The following ZNF407 variants were observed in gnomAD, a reference collection of about 807,000 sequenced individuals.
ZNF407 encodes zinc finger protein 407.
ZNF407 carries 17 observed loss-of-function variants against 131.2 expected under a neutral mutation model. The ratio of observed to expected loss-of-function variants is 0.13; its 90% CI spans 0.09 to 0.19. ZNF407 has a LOEUF of 0.19. ZNF407 is among the 10% of genes least tolerant of loss of function. The pLI is 1.00. For synonymous variants in ZNF407, 1,156 were observed against 1,062.0 expected (o/e 1.09, Z -1.72); for missense variants, 2,681 against 2,830.6 (o/e 0.95, Z 1.20).
chr18:74,808,708 A>T (rs922484339), intron 4 of ZNF407, among the ~76,000 whole-genome samples: 6 of 151,882 alleles, frequency 4.0e-5, no homozygotes, highest in African/African-American at 1.2e-4. Flanking sequence ...GATCAATTAC[A>T]TTTTTTTTAA....
At chr18:74,971,330 G>T (rs1972469957) in intron 8 of ZNF407, among the ~76,000 whole-genome samples, 1 of 152,198 alleles carries the variant, frequency 6.6e-6, no homozygotes, top group Non-Finnish European at 1.5e-5. Flanking sequence ...CAGAAAGTGG[G>T]TTTTTCTTTT....
intron 4 of ZNF407, among the ~76,000 whole-genome samples, chr18:74,873,896 C>T (rs1388646789): frequency 6.6e-6 from 1 of 152,142 alleles, no homozygotes; most frequent in Non-Finnish European, 1.5e-5. Flanking sequence ...TTATGTAGAA[C>T]ATTCAGAGTT....
intron 8 of ZNF407, among the ~76,000 whole-genome samples, chr18:74,986,861 T>C (rs963072771): frequency 2.0e-5 from 3 of 152,214 alleles, no homozygotes; most frequent in Non-Finnish European, 4.4e-5. Flanking sequence ...CTCTTAGTTA[T>C]ATTATTTCTA....
At chr18:74,642,861 A>G (rs528072480) in intron 3 of ZNF407, among the ~76,000 whole-genome samples, 4 of 152,176 alleles carry the variant, frequency 2.6e-5, no homozygotes, top group Non-Finnish European at 5.9e-5. Context: ...TTTTAGAATT[A>G]TGACAGCATT....
intron 3 of ZNF407, among the ~76,000 whole-genome samples, chr18:74,679,854 A>G (rs1349455835): frequency 6.6e-6 from 1 of 152,168 alleles, no homozygotes; most frequent in Non-Finnish European, 1.5e-5. Flanking sequence ...TATGTTTCAG[A>G]TCATCAGTGG....
At chr18:74,953,424 G>A (rs540670626) in intron 8 of ZNF407, among the ~76,000 whole-genome samples, 5 of 152,290 alleles carry the variant, frequency 3.3e-5, no homozygotes, top group South Asian at 4.1e-4. Flanking sequence ...TACATCTGCC[G>A]TGTATGTCTG....
At chr18:74,783,139 C>G (rs1265712536) in intron 4 of ZNF407, among the ~76,000 whole-genome samples, 1 of 152,046 alleles carries the variant, frequency 6.6e-6, no homozygotes, top group African/African-American at 2.4e-5. Context: ...TATCTCAGTC[C>G]TTCTTTGACC....
intron 3 of ZNF407, among the ~76,000 whole-genome samples, chr18:74,655,442 G>A (rs1985408798): frequency 6.6e-6 from 1 of 151,940 alleles, no homozygotes; most frequent in South Asian, 2.1e-4. Context: ...CTTAAAATCT[G>A]CCTTGCAACT....
At chr18:74,902,037 T>C (rs1395201039) in intron 7 of ZNF407, among the ~76,000 whole-genome samples, 1 of 152,172 alleles carries the variant, frequency 6.6e-6, no homozygotes, top group East Asian at 1.9e-4. Flanking sequence ...TTCACTCACA[T>C]GAGCCATAGA....
At chr18:74,968,647 T>G (rs1213030792) in intron 8 of ZNF407, among the ~76,000 whole-genome samples, 1 of 152,240 alleles carries the variant, frequency 6.6e-6, no homozygotes, top group Non-Finnish European at 1.5e-5. Context: ...AGAAATCTGC[T>G]TTTGTTTGAA....
chr18:75,063,827 G>A lies in ZNF407; in HGVS notation c.6106G>A (p.Glu2036Lys), dbSNP rs371814141. ...QEVSHVAADP[E>K]APEIQMFPQA... The stretch of plus-strand genomic sequence containing the variant: ...GGTCTCCCATGTGGCTGCCGACCCC[G>A]AGGCCCCCGAGATCCAGATGTTCCC... Residue 2036 changes from glutamate (E) to lysine (K), a missense_variant, in exon 9 of 9, where the codon GAG becomes AAG. This residue lies in a region of ZNF407 where 620 missense variants were observed against 583.1 expected (regional missense o/e 1.06). Coordinates refer to ENST00000299687, the MANE Select transcript of ZNF407 (RefSeq NM_017757.3). The surrounding 1 kb of genome is among the most constrained non-coding windows in gnomAD (Gnocchi z 6.6). 106 of 1,607,420 alleles carry A rather than the reference G, an allele frequency of 6.6e-5. No individual in the cohort carries two copies. Among genetic ancestry groups the A allele is most frequent in the Admixed American group, 3.8e-4 (23 of 59,964 alleles).
chr18:74,719,679 G>T (rs1014769079), intron 3 of ZNF407, among the ~76,000 whole-genome samples: 1 of 152,220 alleles, frequency 6.6e-6, no homozygotes, highest in South Asian at 2.1e-4. Flanking sequence ...CTGGGATTAC[G>T]GGCGTGAGCC....
At chr18:74,809,898 G>A (rs1970170009) in intron 4 of ZNF407, among the ~76,000 whole-genome samples, 1 of 152,214 alleles carries the variant, frequency 6.6e-6, no homozygotes, top group Non-Finnish European at 1.5e-5. Flanking sequence ...AATGTTGAAG[G>A]CAGAGCTGAT....
At position 74,641,088 on chromosome 18, in the gene ZNF407, C is replaced by T. The variant is rs150809283; in HGVS notation, c.4768C>T (p.Leu1590Phe). ...GDARNHVKRHLGMREYKCHVC... is the reference protein window; with the variant it reads ...GDARNHVKRHFGMREYKCHVC... ...TGCCAGAAACCATGTGAAAAGGCAC[C>T]TTGGGATGAGGGAATACAAGTGTCA... The change falls in exon 3 of 9, where the codon CTT (leucine) becomes TTT (phenylalanine). Residue 1590 changes from leucine to phenylalanine, a missense_variant. By Grantham distance (22) the Leu-to-Phe change is conservative. Transcript: ENST00000299687. The T allele has an allele frequency of 1.9e-6, 3 of 1,613,292 alleles. No individual in the cohort carries two copies. In the African/African-American group the frequency reaches 4.0e-5, roughly 22 times the overall value.
chr18:74,694,571 C>T (rs1277174611), intron 3 of ZNF407, among the ~76,000 whole-genome samples: 1 of 151,792 alleles, frequency 6.6e-6, no homozygotes, highest in Non-Finnish European at 1.5e-5. Flanking sequence ...CTTTCTCATT[C>T]TCTGAACACC....
At chr18:74,726,391 C>T (rs915100141) in intron 3 of ZNF407, among the ~76,000 whole-genome samples, 22 of 152,052 alleles carry the variant, frequency 1.4e-4, no homozygotes, top group Admixed American at 1.3e-4. Context: ...ATCATGAGAG[C>T]CAATAAGTTA....
intron 8 of ZNF407, among the ~76,000 whole-genome samples, chr18:75,058,587 G>A (rs1417947167): frequency 6.6e-6 from 1 of 152,100 alleles, no homozygotes; most frequent in African/African-American, 2.4e-5. Flanking sequence ...ATACTACATT[G>A]AGCATCCATG....
At chr18:74,931,620 A>C (rs1267289332) in intron 8 of ZNF407, among the ~76,000 whole-genome samples, 1 of 152,176 alleles carries the variant, frequency 6.6e-6, no homozygotes, top group East Asian at 1.9e-4. Context: ...ATACCTAGAA[A>C]CGAGATGCCT....
intron 3 of ZNF407, among the ~76,000 whole-genome samples, chr18:74,738,764 A>G (rs1026549664): frequency 9.2e-5 from 14 of 152,160 alleles, no homozygotes; most frequent in African/African-American, 3.4e-4. Context: ...ATATTTTCTC[A>G]GAATTCTCTA....
Sources: allele counts gnomAD v4.1 joint callset (sites outside exome capture counted in the v4.1 genomes callset), GRCh38; gene constraint gnomAD v4.1.1; regional missense constraint gnomAD v4.1.1; non-coding constraint Gnocchi (gnomAD v3.1); transcripts MANE v1.5; gene names NCBI Gene and HGNC (gene_info 2026-07-23, HGNC 2026-07-21).